TDRD9: variants seen among roughly 807,000 people sequenced by gnomAD.
TDRD9 encodes ATP-dependent RNA helicase TDRD9.
In TDRD9, 124 loss-of-function variants were observed where a neutral mutation model predicts 172.6. The observed-to-expected ratio is 0.72, with a 90% CI of 0.62 to 0.83. The LOEUF is 0.83. Ranked by LOEUF, TDRD9 falls within the 40% of genes least tolerant of loss-of-function variation. The pLI, the probability that TDRD9 is intolerant of heterozygous loss-of-function variation, is 0.00. For missense variants in TDRD9, 1,479 were observed against 1,714.1 expected (o/e 0.86, Z 2.42); for synonymous variants, 619 against 617.1 (o/e 1.00, Z -0.05).
rs562007770 is a variant in TDRD9, at chr14:104,051,889, C to G, written c.4048-92C>G. 213 of 729,878 alleles carry G rather than the reference C, an allele frequency of 2.9e-4. 4 individuals are homozygous for G. Among genetic ancestry groups the G allele is most frequent in the South Asian group, 2.7e-3 (160 of 59,874 alleles). The allele number at this position is 729,878 out of a possible 1,614,324, so 45.2% of individuals were successfully genotyped here. On this transcript the variant is annotated intron_variant, in intron 35 of 35. Transcript: ENST00000409874. Reference sequence around the variant, plus strand: ...AATATTTTTGGAGAACTGAATTATACTTTGTGCATCCTGGATGTTAATGCA... The same window carrying G: ...AATATTTTTGGAGAACTGAATTATAGTTTGTGCATCCTGGATGTTAATGCA...
intron 3 of TDRD9, among the ~76,000 whole-genome samples, 151 bp downstream of exon 3, chr14:103,963,327 A>G (rs1461071229): frequency 6.6e-6 from 1 of 152,234 alleles, no homozygotes; most frequent in Non-Finnish European, 1.5e-5. Context: ...GGGTGTGCTC[A>G]GGCCAACCTG....
At chr14:103,943,340 C>T (rs1431883937) in intron 1 of TDRD9, among the ~76,000 whole-genome samples, 1 of 151,326 alleles carries the variant, frequency 6.6e-6, no homozygotes. Flanking sequence ...TACACACGCA[C>T]ATATGTACAT....
chr14:103,971,185 G>C (rs370820917), intron 6 of TDRD9, among the ~76,000 whole-genome samples: 1 of 150,804 alleles, frequency 6.6e-6, no homozygotes, highest in Non-Finnish European at 1.5e-5. Context: ...GGGTTTCATC[G>C]TGTTAGCCAG....
At chr14:104,013,496 C>G (rs11851723) in intron 20 of TDRD9, 1 of 151,910 alleles carries the variant, frequency 6.6e-6, no homozygotes, top group Non-Finnish European at 1.5e-5. Flanking sequence ...CACAGTTATG[C>G]GTTTGCATTG....
Position 103,938,440 on chromosome 14 carries a change from A to ATTTTTTT in TDRD9, c.215+9726_215+9732dup, listed in dbSNP as rs71126087. Among the ~76,000 whole-genome samples, 116 of 44,508 alleles carry ATTTTTTT rather than the reference A, an allele frequency of 2.6e-3. 1 individual carries two copies. The highest frequency in any genetic ancestry group is 6.7e-3 in the East Asian group (8 of 1,202). The allele number at this position is 44,508 out of a possible 152,430, so 29.2% of individuals were successfully genotyped here. On this transcript the variant is annotated intron_variant, in intron 1 of 35. Transcript: ENST00000409874. ...TATATATATATATATATATATATAT[A>ATTTTTTT]TTTTTTTTTTTTTTTTGAGATGGTG...
At chr14:103,939,462 G>A (rs547555354) in intron 1 of TDRD9, among the ~76,000 whole-genome samples, 133 of 152,190 alleles carry the variant, frequency 8.7e-4, no homozygotes, top group African/African-American at 3.0e-3. Flanking sequence ...ATCTTACAGT[G>A]ACTGAAGAAG....
At chr14:103,971,775 G>C (rs1460127769) in intron 6 of TDRD9, among the ~76,000 whole-genome samples, 1 of 152,092 alleles carries the variant, frequency 6.6e-6, no homozygotes, top group African/African-American at 2.4e-5. Flanking sequence ...TTTTCTCCAG[G>C]CTGCAGAAAA....
At chr14:103,936,830 G>A (rs1054320247) in intron 1 of TDRD9, among the ~76,000 whole-genome samples, 1 of 152,196 alleles carries the variant, frequency 6.6e-6, no homozygotes, top group Admixed American at 6.5e-5. Flanking sequence ...AGTGGCTCAT[G>A]CCTGTAATCC....
intron 1 of TDRD9, chr14:103,940,994 C>G: frequency 6.5e-7 from 1 of 1,535,452 alleles, no homozygotes; most frequent in East Asian, 2.4e-5. Context: ...TCCAGGTCCT[C>G]TTGCTCACTC....
chr14:103,940,199 A>G (rs547469302), intron 1 of TDRD9, among the ~76,000 whole-genome samples: 1 of 152,290 alleles, frequency 6.6e-6, no homozygotes, highest in South Asian at 2.1e-4. Context: ...TTGCTAAATC[A>G]GTCTATTTAT....
At position 104,005,359 on chromosome 14, in the gene TDRD9, C is replaced by T. The variant is rs781251895; in HGVS notation, c.1667C>T (p.Pro556Leu). 22 of 1,613,814 alleles carry T rather than the reference C, an allele frequency of 1.4e-5. 1 individual carries two copies. Among genetic ancestry groups the T allele is most frequent in the Middle Eastern group, 1.6e-4 (1 of 6,084 alleles). The change falls in exon 15 of 36, where the codon CCG (proline) becomes CTG (leucine). Residue 556 changes from proline to leucine, a missense_variant. Physicochemically the swap from Pro to Leu is moderately conservative, Grantham distance 98 (BLOSUM62 -3). Around this residue, in one of 3 missense-constraint regions of TDRD9, gnomAD observed 1,413 missense variants for 1,649.1 expected, o/e 0.86. Transcript: ENST00000409874. ...GCTCTGCTGGCCACTGCCCTTTCCCCGCCTGGTCTGAGTGACATTGAGCGC... is the reference window on the plus strand; with the variant it reads ...GCTCTGCTGGCCACTGCCCTTTCCCTGCCTGGTCTGAGTGACATTGAGCGC... ...PRALLATALSPPGLSDIERTI... is the reference protein window; with the variant it reads ...PRALLATALSLPGLSDIERTI...
Position 104,005,262 on chromosome 14 carries a change from G to C in TDRD9, c.1582-12G>C, listed in dbSNP as rs778105858. ...TGTTATTATTTCTAATCTCAGGCTTGTTTCTTTTCAGCGTTGTCCATTAGG... is the reference window on the plus strand; with the variant it reads ...TGTTATTATTTCTAATCTCAGGCTTCTTTCTTTTCAGCGTTGTCCATTAGG... On this transcript the variant is annotated splice_polypyrimidine_tract_variant and intron_variant, in intron 14 of 35. Coordinates refer to ENST00000409874, the MANE Select transcript of TDRD9 (RefSeq NM_153046.3). 11 of 1,613,400 alleles carry C rather than the reference G, an allele frequency of 6.8e-6. No homozygotes were observed. The highest frequency in any genetic ancestry group is 9.3e-6 in the Non-Finnish European group (11 of 1,179,642).
At position 104,005,372 on chromosome 14, in the gene TDRD9, T is replaced by G; in HGVS notation, c.1680T>G (p.Ser560Arg). ...LATALSPPGL[S>R]DIERTILLLK... The stretch of plus-strand genomic sequence containing the variant: ...CTGCCCTTTCCCCGCCTGGTCTGAG[T>G]GACATTGAGCGCACCATCCTTCTAC... Residue 560 changes from serine (S) to arginine (R), a missense_variant, in exon 15 of 36, where the codon AGT becomes AGG. By Grantham distance (110) the Ser-to-Arg change is moderately radical. Around this residue, in one of 3 missense-constraint regions of TDRD9, gnomAD observed 1,413 missense variants for 1,649.1 expected, o/e 0.86. Transcript: ENST00000409874. 3.7e-6 allele frequency: 6 copies of G among 1,613,890 alleles called. No homozygotes were observed. Among genetic ancestry groups the G allele is most frequent in the South Asian group, 2.2e-5 (2 of 91,074 alleles).
At chr14:104,023,790 T>G (rs1456389907) in intron 24 of TDRD9, among the ~76,000 whole-genome samples, 2 of 152,220 alleles carry the variant, frequency 1.3e-5, no homozygotes, top group African/African-American at 4.8e-5. Context: ...AGTGTGTGAC[T>G]TTTGGTTTCT....
At chr14:103,951,198 T>C (rs529998633) in intron 1 of TDRD9, among the ~76,000 whole-genome samples, 10 of 152,344 alleles carry the variant, frequency 6.6e-5, no homozygotes, top group African/African-American at 2.4e-4. Flanking sequence ...TATGCCTCAC[T>C]GGTTGTTAGG....
intron 8 of TDRD9, among the ~76,000 whole-genome samples, chr14:103,987,590 T>G (rs936661911): frequency 1.3e-5 from 2 of 152,248 alleles, no homozygotes; most frequent in Non-Finnish European, 2.9e-5. Flanking sequence ...CATTTTGAAT[T>G]TCATTCTATT....
chr14:103,942,618 C>T (rs1017466010), intron 1 of TDRD9, among the ~76,000 whole-genome samples: 5 of 152,140 alleles, frequency 3.3e-5, no homozygotes, highest in African/African-American at 9.7e-5. Flanking sequence ...AAAATAGCCA[C>T]GTTGCTTTTA....
chr14:104,047,853 G>A (rs1249914603), intron 34 of TDRD9, among the ~76,000 whole-genome samples: 2 of 152,164 alleles, frequency 1.3e-5, no homozygotes, highest in Non-Finnish European at 2.9e-5. Context: ...TAGGATTTCT[G>A]TTGTTTCTTT....
chr14:104,040,113 T>A (rs1376799711), intron 32 of TDRD9, 83 bp from the exon 33 acceptor site: 1 of 1,253,780 alleles, frequency 8.0e-7, no homozygotes, highest in Non-Finnish European at 1.0e-6. Context: ...TTTAGGATAA[T>A]TTTATCGGTC....
Sources: gnomAD v4.1 joint callset for allele counts (sites outside exome capture counted in the v4.1 genomes callset) on GRCh38, gnomAD v4.1.1 for gene constraint, gnomAD v4.1.1 regional missense constraint, MANE v1.5 for transcripts, NCBI Gene and HGNC (gene_info 2026-07-23, HGNC 2026-07-21) for gene names.